The following PALM variants were observed in gnomAD, a reference collection of about 807,000 sequenced individuals.
PALM encodes the protein paralemmin, also known as paralemmin-1.
A neutral mutation model predicts 30.7 loss-of-function variants in PALM; 18 were observed. The observed-to-expected ratio is 0.59, with a 90% CI of 0.41 to 0.87. PALM has a LOEUF of 0.87. Among genes scored for constraint, PALM ranks in the 40% least tolerant of loss-of-function variants. The probability of loss-of-function intolerance (pLI) is 0.00; values close to 1 mark genes in which losing one functional copy is unlikely to be tolerated. For synonymous variants in PALM, 286 were observed against 242.8 expected, an observed-to-expected ratio of 1.18 and a Z score of -1.66; for missense variants, 529 against 555.4, an observed-to-expected ratio of 0.95 and a Z score of 0.48.
intron 1 of PALM, among the ~76,000 whole-genome samples, chr19:716,150 G>T (rs1418141645): frequency 6.6e-6 from 1 of 152,062 alleles, no homozygotes; most frequent in Non-Finnish European, 1.5e-5. Context: ...GGTGGCTCAC[G>T]CCTGTAATCC....
intron 1 of PALM, among the ~76,000 whole-genome samples, chr19:712,631 C>T (rs2032118983): frequency 1.3e-5 from 2 of 152,058 alleles, no homozygotes; most frequent in South Asian, 4.1e-4. Flanking sequence ...GATCCACCTG[C>T]CTTGGCCTCC....
At chr19:714,171 C>T (rs576682067) in intron 1 of PALM, among the ~76,000 whole-genome samples, 1 of 151,702 alleles carries the variant, frequency 6.6e-6, no homozygotes, top group Non-Finnish European at 1.5e-5. Flanking sequence ...TCCCAAAGTG[C>T]TGGGATTACA....
chr19:726,290 A>C, intron 2 of PALM, 101 bp downstream of exon 2: 1 of 914,082 alleles, frequency 1.1e-6, no homozygotes, highest in South Asian at 1.4e-5. Flanking sequence ...GAACCAGGGC[A>C]TGGTGGGTGG....
chr19:735,231 T>G, intron 6 of PALM: 1 of 122,084 alleles, frequency 8.2e-6, no homozygotes, highest in Non-Finnish European at 1.6e-5. Flanking sequence ...GTGGGGTCTG[T>G]GTGTCTGGGG....
intron 7 of PALM, among the ~76,000 whole-genome samples, chr19:737,781 G>A (rs1312558520): frequency 2.0e-5 from 3 of 152,184 alleles, no homozygotes; most frequent in African/African-American, 7.2e-5. Flanking sequence ...GGAGCAGCGT[G>A]AGGAGGGGGA....
chr19:739,945 A>G (rs1384601336), intron 7 of PALM, among the ~76,000 whole-genome samples: 1 of 152,232 alleles, frequency 6.6e-6, no homozygotes, highest in African/African-American at 2.4e-5. Context: ...CCGGGGCGAC[A>G]GAGCAAGGCG....
In PALM at chr19:744,626, G is replaced by T. The variant is rs140344875; in HGVS notation, c.635-1659G>T. Reference sequence around the variant, plus strand: ...ATCCCTGTAATGGCCAGGCATGGTGGCTCACACCTGTAATCCCAGCACTTT... The same window carrying T: ...ATCCCTGTAATGGCCAGGCATGGTGTCTCACACCTGTAATCCCAGCACTTT... On this transcript the variant is annotated intron_variant, in intron 8 of 8. Transcript: ENST00000338448. 1.3e-3 allele frequency among the ~76,000 whole-genome samples: 198 copies of T among 152,286 alleles called. 1 individual carries two copies. Among genetic ancestry groups the T allele is most frequent in the Middle Eastern group, 6.8e-3 (2 of 294 alleles).
At chr19:723,506 T>C (rs2032562801) in intron 1 of PALM, among the ~76,000 whole-genome samples, 1 of 152,104 alleles carries the variant, frequency 6.6e-6, no homozygotes, top group South Asian at 2.1e-4. Flanking sequence ...GCAACAGCCT[T>C]GGAAGCCTGA....
intron 6 of PALM, chr19:734,976 G>A (rs1426339312): frequency 2.9e-6 from 2 of 696,434 alleles, no homozygotes; most frequent in African/African-American, 1.9e-5. Flanking sequence ...TTGTCTTACT[G>A]TAGAATTAAA....
rs1439272093 is a variant in PALM, at chr19:746,890, C to T, written c.*76C>T. 4 of 819,276 alleles carry T rather than the reference C, an allele frequency of 4.9e-6. No homozygotes were observed. The Admixed American group carries it at 1.1e-4, about 22-fold the overall frequency. 50.8% of individuals were successfully genotyped at this position (819,276 alleles called of 1,614,324 possible). ...CCCGGCCCCTCCCGGCGCCTGCCCACCCTCCACCCACAGCCTCACGGGTCC... is the reference window on the plus strand; with the variant it reads ...CCCGGCCCCTCCCGGCGCCTGCCCATCCTCCACCCACAGCCTCACGGGTCC... On this transcript the variant is annotated 3_prime_UTR_variant, in exon 9 of 9. Transcript: ENST00000338448. This position sits in a 1 kb window ranked among gnomAD's most constrained non-coding sequence, Gnocchi z 7.1.
At chr19:715,166 G>A (rs1005543895) in intron 1 of PALM, among the ~76,000 whole-genome samples, 4 of 152,180 alleles carry the variant, frequency 2.6e-5, no homozygotes, top group African/African-American at 9.7e-5. Context: ...TACTCGGGAG[G>A]CTGAGGCAGG....
intron 7 of PALM, 123 bp from the exon 8 acceptor site, chr19:740,229 C>T: frequency 1.0e-6 from 1 of 965,548 alleles, no homozygotes; most frequent in Non-Finnish European, 1.5e-6. Context: ...ATCCCCGGCT[C>T]CGCCTGCCCC....
In PALM at chr19:734,174, C is replaced by T. The variant is rs377577439; in HGVS notation, c.422C>T (p.Thr141Met). 3.1e-5 allele frequency: 50 copies of T among 1,613,910 alleles called. No homozygotes were observed. The highest frequency in any genetic ancestry group is 2.0e-4 in the East Asian group (9 of 44,862). The part of the protein sequence containing the change: ...KTEVVMNSQQ[T>M]PVGTPKDKRV... ...ACCCTTCTCTCTTCTTTCTTGCAGA[C>T]GCCGGTGGGCACGCCCAAAGGTAGG... Residue 141 changes from threonine (T) to methionine (M), a missense_variant and splice_region_variant, in exon 6 of 9, where the codon ACG becomes ATG. By Grantham distance (81) the Thr-to-Met change is moderately conservative (BLOSUM62 -1). Transcript: ENST00000338448.
At chr19:714,494 G>C (rs1355253752) in intron 1 of PALM, among the ~76,000 whole-genome samples, 1 of 151,080 alleles carries the variant, frequency 6.6e-6, no homozygotes, top group Non-Finnish European at 1.5e-5. Flanking sequence ...GAGTAGCTGG[G>C]ACTACAGGCG....
chr19:735,891 G>C (rs934447846), intron 6 of PALM, 128 bp from the exon 7 acceptor site: 1 of 725,896 alleles, frequency 1.4e-6, no homozygotes, highest in African/African-American at 1.8e-5. Flanking sequence ...TGGGGTCTGG[G>C]TGTCAAAGGC....
chr19:717,616 T>C (rs1419050401), intron 1 of PALM, among the ~76,000 whole-genome samples: 3 of 151,978 alleles, frequency 2.0e-5, no homozygotes, highest in Admixed American at 1.3e-4. Context: ...TTGGAGCTTG[T>C]GCTCTGTTCA....
intron 7 of PALM, 192 bp downstream of exon 7, chr19:736,270 G>A (rs2033022118): frequency 1.9e-6 from 1 of 531,474 alleles, no homozygotes; most frequent in East Asian, 3.4e-5. Flanking sequence ...CCTCTGCTTT[G>A]TTGCCCTGGT....
intron 4 of PALM, among the ~76,000 whole-genome samples, chr19:728,041 G>T (rs114689735): frequency 6.8e-6 from 1 of 147,756 alleles, no homozygotes. Flanking sequence ...CGTCGAGCTC[G>T]TGGGTCCCTG....
intron 1 of PALM, chr19:722,820 G>A (rs1417620048): frequency 6.6e-6 from 1 of 152,288 alleles, no homozygotes; most frequent in East Asian, 1.9e-4. Context: ...GGTGAAGGCA[G>A]CTGAACCCAG....
Sources: allele counts gnomAD v4.1 joint callset (sites outside exome capture counted in the v4.1 genomes callset), GRCh38; gene constraint gnomAD v4.1.1; non-coding constraint Gnocchi (gnomAD v3.1); transcripts MANE v1.5; gene names NCBI Gene and HGNC (gene_info 2026-07-23, HGNC 2026-07-21).